KITLG: variants seen among roughly 807,000 people sequenced by gnomAD.
KITLG encodes c-Kit ligand.
A neutral mutation model predicts 34.1 loss-of-function variants in KITLG; 13 were observed. That is an observed-to-expected ratio of 0.38 (90% CI 0.25 to 0.61). The LOEUF is 0.61. KITLG is among the 20% of genes least tolerant of loss of function. The pLI, the probability that KITLG is intolerant of heterozygous loss-of-function variation, is 0.60. For synonymous variants in KITLG, 110 were observed against 104.0 expected (o/e 1.06, Z -0.35); for missense variants, 292 against 318.9 (o/e 0.92, Z 0.64).
intron 2 of KITLG, among the ~76,000 whole-genome samples, chr12:88,543,915 G>C (rs1052880416): frequency 6.6e-6 from 1 of 151,962 alleles, no homozygotes; most frequent in East Asian, 1.9e-4. Flanking sequence ...AGGTCATCTC[G>C]CACAAGTTTA....
intron 3 of KITLG, among the ~76,000 whole-genome samples, chr12:88,527,740 G>A (rs1298733539): frequency 6.6e-6 from 1 of 152,164 alleles, no homozygotes; most frequent in South Asian, 2.1e-4. Context: ...CATGAGGAGA[G>A]GATGGACTCT....
In KITLG at chr12:88,509,286, AC is replaced by A. The variant is rs543099205; in HGVS notation, c.605-2150del. Among the ~76,000 whole-genome samples the A allele has an allele frequency of 1.4e-3, 211 of 152,336 alleles. 1 individual carries two copies. The highest frequency in any genetic ancestry group is 2.5e-3 in the Non-Finnish European group (173 of 68,034). On this transcript the variant is annotated intron_variant, in intron 6 of 9. Coordinates refer to ENST00000644744, the MANE Select transcript of KITLG (RefSeq NM_000899.5). ...CATGTTCTTCTTGTTCTATACAAAG[AC>A]CAAACCTAAGTCTTGAAATTCACCA...
At chr12:88,518,214 T>C (rs1391666097) in intron 4 of KITLG, among the ~76,000 whole-genome samples, 2 of 152,134 alleles carry the variant, frequency 1.3e-5, no homozygotes, top group Non-Finnish European at 2.9e-5. Flanking sequence ...CTGGAGTACA[T>C]TGCCTATTCC....
intron 3 of KITLG, among the ~76,000 whole-genome samples, chr12:88,520,149 G>T (rs1869604101): frequency 6.6e-6 from 1 of 152,122 alleles, no homozygotes; most frequent in Admixed American, 6.6e-5. Flanking sequence ...AGTTCAAGTG[G>T]CCATTTCAAC....
chr12:88,538,756 A>C (rs547722423), intron 2 of KITLG, among the ~76,000 whole-genome samples: 2 of 152,244 alleles, frequency 1.3e-5, no homozygotes, highest in African/African-American at 4.8e-5. Context: ...CTACTAAAGA[A>C]ATTCATGGCA....
At chr12:88,578,988 A>G (rs994774665) in intron 1 of KITLG, among the ~76,000 whole-genome samples, 2 of 152,078 alleles carry the variant, frequency 1.3e-5, no homozygotes, top group African/African-American at 4.8e-5. Context: ...CTTGTAAGAG[A>G]GGGGAGAGGC....
rs1429944690 is a variant in KITLG at position 88,495,369 on chromosome 12, C to G, written c.*1850G>C. On this transcript the variant is annotated 3_prime_UTR_variant, in exon 10 of 10. Transcript: ENST00000644744. ...TTTCCTGAAAACAGTCAATGCCACA[C>G]ACTGAGACAGGACCTATCAGCAATT... is the stretch of plus-strand genomic sequence containing the variant. 1 of 152,154 alleles carries G rather than the reference C, an allele frequency of 6.6e-6. No individual in the cohort carries two copies. The highest frequency in any genetic ancestry group is 1.5e-5 in the Non-Finnish European group (1 of 67,976). The allele number at this position is 152,154 out of a possible 1,614,324, so 9.4% of individuals were successfully genotyped here.
intron 1 of KITLG, among the ~76,000 whole-genome samples, chr12:88,574,939 T>A (rs1871781938): frequency 6.6e-6 from 1 of 152,116 alleles, no homozygotes. Context: ...GTAGGTGAAA[T>A]GCATAAAAGT....
intron 1 of KITLG, among the ~76,000 whole-genome samples, chr12:88,578,489 A>G (rs1871903386): frequency 6.6e-6 from 1 of 152,224 alleles, no homozygotes; most frequent in Admixed American, 6.5e-5. Flanking sequence ...ACAATGTTTC[A>G]GACTAGATTG....
chr12:88,553,354 CCTAAT>C (rs1405126169), intron 1 of KITLG, among the ~76,000 whole-genome samples: 1 of 152,132 alleles, frequency 6.6e-6, no homozygotes, highest in Non-Finnish European at 1.5e-5. Flanking sequence ...TCACACACAC[CCTAAT>C]GGAGATACAC....
intron 3 of KITLG, among the ~76,000 whole-genome samples, chr12:88,528,187 T>G (rs907263725): frequency 6.6e-6 from 1 of 152,208 alleles, no homozygotes; most frequent in East Asian, 1.9e-4. Context: ...GTGCGTTCCT[T>G]GGCTTGTGAA....
intron 1 of KITLG, among the ~76,000 whole-genome samples, chr12:88,571,629 C>T (rs1871654395): frequency 6.6e-6 from 1 of 152,164 alleles, no homozygotes; most frequent in Admixed American, 6.6e-5. Context: ...TATCTAACAA[C>T]CTGAATTAGG....
intron 1 of KITLG, among the ~76,000 whole-genome samples, chr12:88,560,925 AC>A: frequency 7.3e-6 from 1 of 137,892 alleles, no homozygotes; most frequent in Non-Finnish European, 1.5e-5. Context: ...CCGAGATCGC[AC>A]CACTGCACTC....
intron 1 of KITLG, among the ~76,000 whole-genome samples, chr12:88,549,913 A>G (rs1443633960): frequency 1.3e-5 from 2 of 152,206 alleles, no homozygotes; most frequent in African/African-American, 4.8e-5. Flanking sequence ...TCATGGAAGG[A>G]AGCCAAGACT....
At chr12:88,511,732 G>C (rs1869284840) in intron 6 of KITLG, among the ~76,000 whole-genome samples, 1 of 152,098 alleles carries the variant, frequency 6.6e-6, no homozygotes, top group Non-Finnish European at 1.5e-5. Context: ...GGCCCTAGCA[G>C]ACACAGAACA....
chr12:88,566,126 G>T (rs903113284), intron 1 of KITLG, among the ~76,000 whole-genome samples: 40 of 151,996 alleles, frequency 2.6e-4, no homozygotes, highest in Admixed American at 1.9e-3. Context: ...ACCCAAAGTG[G>T]CTCATTTATC....
chr12:88,549,059 A>C (rs1870809811), intron 1 of KITLG, among the ~76,000 whole-genome samples: 1 of 152,220 alleles, frequency 6.6e-6, no homozygotes, highest in Admixed American at 6.5e-5. Context: ...CTGTGGGAAG[A>C]GTACTGCATA....
chr12:88,510,499 A>G (rs1869236535), intron 6 of KITLG, among the ~76,000 whole-genome samples: 2 of 152,226 alleles, frequency 1.3e-5, no homozygotes, highest in Admixed American at 1.3e-4. Context: ...CTTGACTGGT[A>G]TATGAGTCCA....
At chr12:88,534,256 A>G (rs1870219547) in intron 2 of KITLG, among the ~76,000 whole-genome samples, 1 of 152,120 alleles carries the variant, frequency 6.6e-6, no homozygotes, top group Admixed American at 6.5e-5. Context: ...TCTTAGCTCC[A>G]CTACATATTT....
Sources: allele counts gnomAD v4.1 joint callset (sites outside exome capture counted in the v4.1 genomes callset), GRCh38; gene constraint gnomAD v4.1.1; transcripts MANE v1.5; gene names NCBI Gene and HGNC (gene_info 2026-07-23, HGNC 2026-07-21).